The following SBF2 variants were observed in gnomAD, a reference collection of about 807,000 sequenced individuals.
The protein encoded by SBF2 is myotubularin-related protein 13.
A neutral mutation model predicts 225.2 loss-of-function variants in SBF2; 112 were observed. The observed-to-expected ratio is 0.50, with a 90% CI of 0.43 to 0.58. The LOEUF (loss-of-function observed/expected upper bound fraction) is 0.58. Ranked by LOEUF, SBF2 falls within the 20% of genes least tolerant of loss-of-function variation. The pLI, the probability that SBF2 is intolerant of heterozygous loss-of-function variation, is 0.00. For synonymous variants in SBF2, 763 were observed against 773.3 expected (o/e 0.99, Z 0.22); for missense variants, 1,996 against 2,206.2 (o/e 0.90, Z 1.91).
intron 2 of SBF2, among the ~76,000 whole-genome samples, chr11:10,054,850 C>T (rs977967169): frequency 1.3e-5 from 2 of 151,716 alleles, no homozygotes; most frequent in Non-Finnish European, 2.9e-5. Flanking sequence ...AAAACCACAA[C>T]GAGATACCAC....
intron 17 of SBF2, among the ~76,000 whole-genome samples, chr11:9,872,499 C>T (rs139844641): frequency 2.0e-5 from 3 of 152,166 alleles, no homozygotes; most frequent in East Asian, 3.9e-4. Context: ...AGTCTAAATA[C>T]GTGAACAGAG....
At chr11:10,063,169 G>C (rs771603368) in intron 2 of SBF2, among the ~76,000 whole-genome samples, 5 of 152,102 alleles carry the variant, frequency 3.3e-5, no homozygotes, top group Admixed American at 6.5e-5. Context: ...GGGTCTACTT[G>C]ACAGGGGAGG....
At chr11:9,817,767 AC>A (rs377062304) in intron 28 of SBF2, among the ~76,000 whole-genome samples, 28,118 of 83,440 alleles carry the variant, frequency 0.34, 4,414 homozygotes, top group Non-Finnish European at 0.39. Flanking sequence ...AAAAAAAAAA[AC>A]TACAAAAAGA....
intron 2 of SBF2, among the ~76,000 whole-genome samples, chr11:10,109,268 T>C (rs970238464): frequency 1.3e-5 from 2 of 152,296 alleles, no homozygotes; most frequent in Non-Finnish European, 2.9e-5. Context: ...ATATATTACA[T>C]GTTAAAGGAC....
At chr11:10,019,799 G>C (rs1447412639) in intron 6 of SBF2, among the ~76,000 whole-genome samples, 3 of 152,084 alleles carry the variant, frequency 2.0e-5, no homozygotes, top group African/African-American at 7.2e-5. Context: ...TCAGTAAAAA[G>C]GATAAAAATC....
chr11:10,173,640 G>C (rs549045341), intron 2 of SBF2, among the ~76,000 whole-genome samples: 1 of 152,158 alleles, frequency 6.6e-6, no homozygotes, highest in African/African-American at 2.4e-5. Flanking sequence ...AGGGAAGCTC[G>C]AACTGGGTGG....
chr11:9,878,956 G>A (rs1292514950), intron 17 of SBF2, among the ~76,000 whole-genome samples: 2 of 152,160 alleles, frequency 1.3e-5, no homozygotes, highest in African/African-American at 4.8e-5. Flanking sequence ...CTCTTATCAT[G>A]TAAAAATCTA....
intron 1 of SBF2, among the ~76,000 whole-genome samples, chr11:10,245,951 T>C (rs1189342743): frequency 6.6e-6 from 1 of 152,040 alleles, no homozygotes; most frequent in African/African-American, 2.4e-5. Context: ...AAAAGAACAG[T>C]AGAATGGTGG....
chr11:10,168,978 T>C (rs1458946646), intron 2 of SBF2, among the ~76,000 whole-genome samples: 1 of 152,216 alleles, frequency 6.6e-6, no homozygotes, highest in Non-Finnish European at 1.5e-5. Context: ...ACTGTTTTTC[T>C]TTCTTTTGAA....
chr11:10,280,079 A>G (rs1385094488), intron 1 of SBF2, among the ~76,000 whole-genome samples: 1 of 152,202 alleles, frequency 6.6e-6, no homozygotes, highest in African/African-American at 2.4e-5. Flanking sequence ...TTACTGGTTG[A>G]GCATCCCTAA....
At chr11:9,884,426 A>T (rs1349120115) in intron 17 of SBF2, among the ~76,000 whole-genome samples, 2 of 152,234 alleles carry the variant, frequency 1.3e-5, no homozygotes, top group Non-Finnish European at 2.9e-5. Flanking sequence ...GAAATCTTAC[A>T]TATAAGTTCA....
chr11:10,222,947 A>G (rs966190704), intron 1 of SBF2, among the ~76,000 whole-genome samples: 1 of 152,054 alleles, frequency 6.6e-6, no homozygotes, highest in African/African-American at 2.4e-5. Flanking sequence ...TTATATATAT[A>G]TATCATTTTT....
intron 13 of SBF2, among the ~76,000 whole-genome samples, chr11:9,969,884 C>G (rs1483036329): frequency 6.6e-6 from 1 of 152,206 alleles, no homozygotes; most frequent in Non-Finnish European, 1.5e-5. Flanking sequence ...CACTCTAAAG[C>G]TCTTCCCACT....
In SBF2 at chr11:10,133,116, G is replaced by C. The variant is rs539962065; in HGVS notation, c.141+60786C>G. Among the ~76,000 whole-genome samples, 34 of 149,274 alleles carry C rather than the reference G, an allele frequency of 2.3e-4. 3 individuals carry two copies. The highest frequency in any genetic ancestry group is 6.6e-4 in the East Asian group (3 of 4,576). ...CCTCACCAGAGCAGCTAGATACAGA[G>C]TGTCGATTGGTGCACTCACAAACCT... On this transcript the variant is annotated intron_variant, in intron 2 of 39. Transcript: ENST00000256190.
intron 1 of SBF2, among the ~76,000 whole-genome samples, chr11:10,266,565 TA>T (rs199635932): frequency 5.3e-5 from 8 of 151,734 alleles, no homozygotes; most frequent in South Asian, 2.1e-4. Context: ...ACATTCCTTT[TA>T]AAAAAAAATT....
At chr11:10,023,517 G>C (rs1948935472) in intron 6 of SBF2, among the ~76,000 whole-genome samples, 1 of 152,110 alleles carries the variant, frequency 6.6e-6, no homozygotes, top group Non-Finnish European at 1.5e-5. Flanking sequence ...ACACCCACTG[G>C]CAGTTATTTC....
Position 10,031,057 on chromosome 11 carries a change from T to G in SBF2, c.393A>C (p.Glu131Asp), listed in dbSNP as rs1949234641. 6.2e-7 allele frequency: 1 copy of G among 1,612,280 alleles called. No individual in the cohort carries two copies. The highest frequency in any genetic ancestry group is 1.3e-5 in the African/African-American group (1 of 74,868). The change falls in exon 4 of 40, where the codon GAA becomes GAC. Residue 131 changes from glutamate to aspartate, a missense_variant. Physicochemically the swap from Glu to Asp is conservative, Grantham distance 45. Transcript: ENST00000256190. Reference protein sequence around the residue: ...LVLVSRLYYPEIFRACLGLIY... With the variant: ...LVLVSRLYYPDIFRACLGLIY... ...ACTATGTGTTCTTTACCCTAAAAAT[T>G]TCTGGATAATATAATCTGGATACCA...
chr11:10,003,324 T>G (rs922125474), intron 6 of SBF2, among the ~76,000 whole-genome samples: 1 of 152,150 alleles, frequency 6.6e-6, no homozygotes, highest in East Asian at 1.9e-4. Flanking sequence ...ACACTATATA[T>G]AGAGATAAAT....
chr11:9,913,218 T>G (rs1363347159), intron 16 of SBF2, among the ~76,000 whole-genome samples: 1 of 152,114 alleles, frequency 6.6e-6, no homozygotes, highest in African/African-American at 2.4e-5. Flanking sequence ...GAGATTGCAG[T>G]GGGCTGAGAT....
Sources: gnomAD v4.1 joint callset for allele counts (sites outside exome capture counted in the v4.1 genomes callset) on GRCh38, gnomAD v4.1.1 for gene constraint, MANE v1.5 for transcripts, NCBI Gene and HGNC (gene_info 2026-07-23, HGNC 2026-07-21) for gene names.